MEIKIN: variants seen among roughly 807,000 people sequenced by gnomAD.
MEIKIN encodes meiotic kinetochore factor.
intron 5 of MEIKIN, among the ~76,000 whole-genome samples, chr5:131,932,798 T>C (rs1751711493): frequency 1.3e-5 from 2 of 152,202 alleles, no homozygotes; most frequent in South Asian, 2.1e-4. Flanking sequence ...ACATCTTTCA[T>C]GTTTTTGACA....
intron 4 of MEIKIN, among the ~76,000 whole-genome samples, chr5:131,937,987 C>A (rs1751809146): frequency 6.6e-6 from 1 of 151,798 alleles, no homozygotes; most frequent in Non-Finnish European, 1.5e-5. Flanking sequence ...ATTTTTAATT[C>A]TAGGAAAATT....
At chr5:131,941,188 C>T (rs769090562) in intron 4 of MEIKIN, among the ~76,000 whole-genome samples, 4 of 101,230 alleles carry the variant, frequency 4.0e-5, no homozygotes, top group African/African-American at 7.9e-5. Flanking sequence ...GACGAAGTCT[C>T]GCTGTTGTCC....
chr5:131,919,511 A>G (rs547810368), intron 6 of MEIKIN, among the ~76,000 whole-genome samples: 1 of 152,218 alleles, frequency 6.6e-6, no homozygotes, highest in Non-Finnish European at 1.5e-5. Context: ...TGAATCAACA[A>G]AAGTACATCC....
At chr5:131,919,860 T>C (rs1751475800) in intron 6 of MEIKIN, among the ~76,000 whole-genome samples, 1 of 152,104 alleles carries the variant, frequency 6.6e-6, no homozygotes, top group African/African-American at 2.4e-5. Context: ...TATATAGCTA[T>C]GACTCTTAAA....
At chr5:131,873,547 A>G (rs1028567633) in intron 9 of MEIKIN, among the ~76,000 whole-genome samples, 3 of 152,138 alleles carry the variant, frequency 2.0e-5, no homozygotes, top group Non-Finnish European at 2.9e-5. Flanking sequence ...CACAATAATA[A>G]TGGGAGACTT....
intron 8 of MEIKIN, among the ~76,000 whole-genome samples, chr5:131,879,253 G>A (rs1010090785): frequency 6.6e-6 from 1 of 152,058 alleles, no homozygotes; most frequent in African/African-American, 2.4e-5. Flanking sequence ...AGAGCTCCAG[G>A]TTTCACAGAA....
At chr5:131,871,284 T>C (rs1750491235) in intron 9 of MEIKIN, among the ~76,000 whole-genome samples, 1 of 152,072 alleles carries the variant, frequency 6.6e-6, no homozygotes, top group Non-Finnish European at 1.5e-5. Context: ...ACCTGGAAAA[T>C]TGGGTCACTC....
At chr5:131,829,826 A>G (rs1749682424) in intron 11 of MEIKIN, among the ~76,000 whole-genome samples, 1 of 152,176 alleles carries the variant, frequency 6.6e-6, no homozygotes, top group South Asian at 2.1e-4. Flanking sequence ...GCCTGAGTTT[A>G]ACAGAAGATA....
chr5:131,827,621 C>T (rs1749637221), intron 11 of MEIKIN, among the ~76,000 whole-genome samples: 1 of 152,018 alleles, frequency 6.6e-6, no homozygotes, highest in South Asian at 2.1e-4. Context: ...TTATTAGAAA[C>T]AGAAAGGCTT....
intron 8 of MEIKIN, among the ~76,000 whole-genome samples, chr5:131,901,238 G>T (rs1439386879): frequency 6.6e-6 from 1 of 152,134 alleles, no homozygotes; most frequent in Non-Finnish European, 1.5e-5. Context: ...ACTGCCATTG[G>T]CACAAAACTA....
At chr5:131,813,670 G>A (rs1223876403) in intron 12 of MEIKIN, among the ~76,000 whole-genome samples, 2 of 151,812 alleles carry the variant, frequency 1.3e-5, no homozygotes, top group African/African-American at 2.4e-5. Flanking sequence ...CTCATGATCC[G>A]CCCGCCTCAG....
At chr5:131,823,979 C>T (rs1349652261) in intron 11 of MEIKIN, among the ~76,000 whole-genome samples, 4 of 152,154 alleles carry the variant, frequency 2.6e-5, no homozygotes, top group African/African-American at 9.7e-5. Flanking sequence ...TAGGCAGAGA[C>T]TTCTGTTCTT....
At chr5:131,854,187 G>A (rs1750158917) in intron 10 of MEIKIN, among the ~76,000 whole-genome samples, 1 of 152,170 alleles carries the variant, frequency 6.6e-6, no homozygotes, top group African/African-American at 2.4e-5. Flanking sequence ...GATGCATGCT[G>A]TAACATAGAT....
In MEIKIN at chr5:131,807,192, A is replaced by T. The variant is rs2149598913; in HGVS notation, c.*44T>A. On this transcript the variant is annotated 3_prime_UTR_variant, in exon 13 of 13. Coordinates refer to ENST00000442687, the MANE Select transcript of MEIKIN (RefSeq NM_001303622.2). ...TCTGCTTTATAGACTTTGACTTCAC[A>T]CTCCTGTCTTCAAAGTGGTGAAAAT... The T allele has an allele frequency of 2.5e-6, 1 of 398,132 alleles. No homozygotes were observed. The highest frequency in any genetic ancestry group is 3.6e-5 in the East Asian group (1 of 28,026). 24.7% of individuals were successfully genotyped at this position (398,132 alleles called of 1,614,324 possible). A position where few individuals can be genotyped will look rare whatever the true frequency, so the allele number is the denominator to read the frequency against.
At chr5:131,908,005 T>G (rs540800648) in intron 8 of MEIKIN, among the ~76,000 whole-genome samples, 1 of 152,160 alleles carries the variant, frequency 6.6e-6, no homozygotes, top group Admixed American at 6.5e-5. Context: ...TACCAAATAT[T>G]TAAAGAAGTA....
intron 8 of MEIKIN, among the ~76,000 whole-genome samples, chr5:131,901,389 G>A (rs558676684): frequency 1.7e-4 from 26 of 152,180 alleles, no homozygotes; most frequent in East Asian, 3.9e-4. Flanking sequence ...ATGTGCACAC[G>A]GACCCCAGTG....
intron 5 of MEIKIN, among the ~76,000 whole-genome samples, chr5:131,930,317 C>T (rs1308639610): frequency 1.3e-5 from 2 of 152,106 alleles, no homozygotes; most frequent in African/African-American, 4.8e-5. Context: ...TATTCATGTC[C>T]TCTGCCCATT....
chr5:131,862,100 G>T (rs1750295577), intron 9 of MEIKIN, among the ~76,000 whole-genome samples: 1 of 152,104 alleles, frequency 6.6e-6, no homozygotes, highest in African/African-American at 2.4e-5. Flanking sequence ...TTTATTGGGA[G>T]ACTTTTTATT....
intron 5 of MEIKIN, among the ~76,000 whole-genome samples, chr5:131,922,495 A>G (rs540541994): frequency 6.6e-6 from 1 of 152,226 alleles, no homozygotes; most frequent in South Asian, 2.1e-4. Context: ...ATATAGGAGG[A>G]TGTGCATAGG....
Sources: gnomAD v4.1 joint callset for allele counts (sites outside exome capture counted in the v4.1 genomes callset) on GRCh38, gnomAD v4.1.1 for gene constraint, MANE v1.5 for transcripts, NCBI Gene and HGNC (gene_info 2026-07-23, HGNC 2026-07-21) for gene names.